Variants in FYB1 observed in about 807,000 individuals in gnomAD.
FYB1 encodes the protein FYN-binding protein 1.
In FYB1, 41 loss-of-function variants were observed where a neutral mutation model predicts 94.1. The ratio of observed to expected loss-of-function variants is 0.44; its 90% CI spans 0.34 to 0.57. FYB1 has a LOEUF of 0.57. Among genes scored for constraint, FYB1 ranks in the 20% least tolerant of loss-of-function variants. The pLI is 0.02. For synonymous variants in FYB1, 367 were observed against 353.2 expected (o/e 1.04, Z -0.44); for missense variants, 1,050 against 976.8 (o/e 1.07, Z -1.00).
chr5:39,219,679 T>C (rs2150550917), upstream of FYB1: 2 of 813,034 alleles, frequency 2.5e-6, no homozygotes, highest in Middle Eastern at 6.3e-4. Context: ...CCTCAGGATA[T>C]TGAGTAATAA....
At chr5:39,189,377 T>C (rs1266122579) in intron 2 of FYB1, among the ~76,000 whole-genome samples, 1 of 152,136 alleles carries the variant, frequency 6.6e-6, no homozygotes, top group East Asian at 1.9e-4. Flanking sequence ...CCTGAATATA[T>C]TCTATTCATC....
intron 14 of FYB1, among the ~76,000 whole-genome samples, chr5:39,120,363 C>A (rs916857631): frequency 6.6e-6 from 1 of 151,766 alleles, no homozygotes; most frequent in Non-Finnish European, 1.5e-5. Context: ...CTGCTAGGAT[C>A]CAGGTATAGA....
At position 39,141,456 on chromosome 5, in the gene FYB1, G is replaced by A. The variant is rs764845696; in HGVS notation, c.1293-315C>T. ...ATCAACACTTCAATTCTGGGATTAT[G>A]AGGGCATTTAATTGGTTCTATGGTA... On this transcript the variant is annotated intron_variant, in intron 3 of 18. Coordinates refer to ENST00000512982, the MANE Select transcript of FYB1 (RefSeq NM_001465.6). 4.2e-4 allele frequency among the ~76,000 whole-genome samples: 64 copies of A among 152,112 alleles called. 1 individual carries two copies. The highest frequency in any genetic ancestry group is 1.2e-4 in the Non-Finnish European group (8 of 68,012).
chr5:39,116,843 CAAA>C, intron 16 of FYB1, among the ~76,000 whole-genome samples: 1 of 149,244 alleles, frequency 6.7e-6, no homozygotes, highest in South Asian at 2.1e-4. Context: ...AAAAAATAAG[CAAA>C]AAAAAAAAGA....
chr5:39,201,758 C>A (rs1168578926), intron 2 of FYB1, 68 bp downstream of exon 2: 1 of 1,393,602 alleles, frequency 7.2e-7, no homozygotes, highest in African/African-American at 1.4e-5. Context: ...CAAAACTTTC[C>A]CCAGAAGCTA....
At chr5:39,274,051 A>G (rs1477447172) in intron 1 of FYB1, among the ~76,000 whole-genome samples, 1 of 152,012 alleles carries the variant, frequency 6.6e-6, no homozygotes, top group Non-Finnish European at 1.5e-5. Context: ...CAGCCTCCCA[A>G]GTAACTGAGA....
Position 39,118,909 on chromosome 5 carries a change from T to A in FYB1, c.2366A>T (p.Asp789Val). 1 of 1,542,360 alleles carries A rather than the reference T, an allele frequency of 6.5e-7. No homozygotes were observed. Among genetic ancestry groups the A allele is most frequent in the Non-Finnish European group, 8.8e-7 (1 of 1,137,840 alleles). ...ESLEVIQTTD[D>V]TKVLCRNEEG... Reference sequence around the variant, plus strand: ...TTCATTTCTGCAGAGAACTTTTGTGTCATCTGTGGTTTGTATAACTTCTAG... The same window carrying A: ...TTCATTTCTGCAGAGAACTTTTGTGACATCTGTGGTTTGTATAACTTCTAG... The change falls in exon 16 of 19, where the codon GAC (aspartate) becomes GTC (valine). Residue 789 changes from aspartate to valine, a missense_variant. By Grantham distance (152) the Asp-to-Val change is radical. Coordinates refer to ENST00000512982, the MANE Select transcript of FYB1 (RefSeq NM_001465.6).
intron 13 of FYB1, among the ~76,000 whole-genome samples, chr5:39,124,014 A>C (rs927577297): frequency 2.6e-5 from 4 of 152,268 alleles, no homozygotes; most frequent in African/African-American, 9.6e-5. Flanking sequence ...CTTATCCCTA[A>C]CCCAATAGTG....
intron 1 of FYB1, among the ~76,000 whole-genome samples, chr5:39,206,401 T>A (rs940331723): frequency 2.0e-5 from 3 of 152,246 alleles, no homozygotes; most frequent in African/African-American, 7.2e-5. Context: ...AGTTTTTTTC[T>A]TTAAGCGTAA....
intron 1 of FYB1, among the ~76,000 whole-genome samples, chr5:39,259,524 G>A (rs781561184): frequency 3.3e-5 from 5 of 152,098 alleles, no homozygotes; most frequent in Non-Finnish European, 7.4e-5. Context: ...CTAACCAACC[G>A]ATCAACAAAG....
chr5:39,231,095 A>G (rs187457051), intron 1 of FYB1, among the ~76,000 whole-genome samples: 67 of 145,422 alleles, frequency 4.6e-4, no homozygotes, highest in Non-Finnish European at 4.0e-4. Context: ...ATCAAGACAT[A>G]TTTATTCCAG....
intron 3 of FYB1, among the ~76,000 whole-genome samples, chr5:39,147,704 T>G (rs1172505153): frequency 6.6e-6 from 1 of 150,540 alleles, no homozygotes; most frequent in Non-Finnish European, 1.5e-5. Flanking sequence ...TGTCTTTTTT[T>G]TTTTTTTTTT....
At chr5:39,188,313 C>A (rs1343703852) in intron 2 of FYB1, among the ~76,000 whole-genome samples, 3 of 152,196 alleles carry the variant, frequency 2.0e-5, no homozygotes, top group African/African-American at 4.8e-5. Flanking sequence ...CAACCACAGA[C>A]CTACTTGTTT....
At chr5:39,149,097 C>T (rs2150351159) in intron 3 of FYB1, among the ~76,000 whole-genome samples, 1 of 152,230 alleles carries the variant, frequency 6.6e-6, no homozygotes, top group South Asian at 2.1e-4. Flanking sequence ...GATTTCTGAC[C>T]ACTAGGTGGG....
At chr5:39,145,510 T>C (rs568282564) in intron 3 of FYB1, among the ~76,000 whole-genome samples, 1 of 152,230 alleles carries the variant, frequency 6.6e-6, no homozygotes, top group South Asian at 2.1e-4. Flanking sequence ...CTAATTTAAA[T>C]ACAAATTACT....
chr5:39,132,519 G>A lies in FYB1; in HGVS notation c.1817+1689C>T, dbSNP rs534091976. ...AACCCTACAACTCTTCCAACTTCCT[G>A]CTTTTACTAAATATAAGATTCTTTT... On this transcript the variant is annotated intron_variant, in intron 9 of 18. Transcript: ENST00000512982. 8.5e-5 allele frequency among the ~76,000 whole-genome samples: 13 copies of A among 152,196 alleles called. No homozygotes were observed. In the East Asian group the frequency reaches 2.5e-3, roughly 29 times the overall value.
At chr5:39,138,861 T>G (rs1435792422) in intron 5 of FYB1, 170 bp from the exon 6 acceptor site, 4 of 652,056 alleles carry the variant, frequency 6.1e-6, no homozygotes, top group Non-Finnish European at 1.1e-5. Flanking sequence ...CTGTGAATTA[T>G]TTTTGAAAGA....
chr5:39,168,346 A>G (rs1205138145), intron 2 of FYB1, among the ~76,000 whole-genome samples: 1 of 152,188 alleles, frequency 6.6e-6, no homozygotes, highest in African/African-American at 2.4e-5. Context: ...TTTGGCCTGC[A>G]CTTGTTAGCC....
chr5:39,212,895 T>C (rs977550031), intron 1 of FYB1: 2 of 152,128 alleles, frequency 1.3e-5, no homozygotes, highest in Admixed American at 6.5e-5. Flanking sequence ...TTCTTCTGAG[T>C]GTTCTAGAGA....
Sources: gnomAD v4.1 joint callset for allele counts (sites outside exome capture counted in the v4.1 genomes callset) on GRCh38, gnomAD v4.1.1 for gene constraint, MANE v1.5 for transcripts, NCBI Gene and HGNC (gene_info 2026-07-23, HGNC 2026-07-21) for gene names.